GLB1: variants seen among roughly 807,000 people sequenced by gnomAD.
The protein encoded by GLB1 is galactosidase beta 1.
A neutral mutation model predicts 74.0 loss-of-function variants in GLB1; 56 were observed. That is an observed-to-expected ratio of 0.76 (90% confidence interval 0.61 to 0.94). GLB1 has a LOEUF of 0.94. Ranked by LOEUF, GLB1 falls within the 40% of genes least tolerant of loss-of-function variation. The pLI is 0.00. For synonymous variants in GLB1, 323 were observed against 323.6 expected, an observed-to-expected ratio of 1.00 and a Z score of 0.02; for missense variants, 787 against 845.5, an observed-to-expected ratio of 0.93 and a Z score of 0.86.
chr3:33,045,470 C>G, intron 10 of GLB1: 1 of 987,050 alleles, frequency 1.0e-6, no homozygotes. Context: ...ATCACATAGT[C>G]TGTATATTGG....
At chr3:33,026,123 TACCA>T in intron 10 of GLB1, among the ~76,000 whole-genome samples, 1 of 152,026 alleles carries the variant, frequency 6.6e-6, no homozygotes, top group East Asian at 1.9e-4. Flanking sequence ...TGGCTGCAGC[TACCA>T]AGCTGCAGCT....
At chr3:32,968,111 A>G in the GLB1 span, among the ~76,000 whole-genome samples, 1 of 152,176 alleles carries the variant, frequency 6.6e-6, no homozygotes, top group African/African-American at 2.4e-5. Flanking sequence ...GGAGGCAAAG[A>G]AGGAGGCTGA....
the GLB1 span, among the ~76,000 whole-genome samples, chr3:32,971,873 G>C: frequency 1.3e-5 from 2 of 152,130 alleles, no homozygotes; most frequent in African/African-American, 4.8e-5. Context: ...TGTGGAACAC[G>C]GGCATATCGG....
chr3:33,058,299 G>A (rs746059803), intron 5 of GLB1, 30 bp from the exon 6 acceptor site: 1 of 1,613,646 alleles, frequency 6.2e-7, no homozygotes, highest in Non-Finnish European at 8.5e-7. Flanking sequence ...AGGGAAAAAT[G>A]AGGAGATCCT....
At chr3:33,042,935 T>A (rs1261306322) in intron 10 of GLB1, among the ~76,000 whole-genome samples, 4 of 152,200 alleles carry the variant, frequency 2.6e-5, no homozygotes, top group Non-Finnish European at 4.4e-5. Flanking sequence ...GTTAAATCAT[T>A]TGCCAATAAA....
chr3:33,070,920 G>A (rs1051129384), intron 2 of GLB1, among the ~76,000 whole-genome samples: 4 of 152,124 alleles, frequency 2.6e-5, no homozygotes, highest in African/African-American at 9.7e-5. Context: ...AGAATATTTT[G>A]CTGAAAAGTA....
At chr3:32,961,292 T>C in the GLB1 span, among the ~76,000 whole-genome samples, 1 of 152,340 alleles carries the variant, frequency 6.6e-6, no homozygotes, top group Admixed American at 6.5e-5. Flanking sequence ...ACCTGGATGG[T>C]CTGCCCAAAG....
chr3:32,982,332 A>AAC, the GLB1 span, among the ~76,000 whole-genome samples: 1 of 149,672 alleles, frequency 6.7e-6, no homozygotes, highest in East Asian at 1.9e-4. Context: ...AAAAAAAAAA[A>AAC]ACTTATTTCA....
At chr3:32,977,531 C>T in the GLB1 span, among the ~76,000 whole-genome samples, 1 of 151,948 alleles carries the variant, frequency 6.6e-6, no homozygotes, top group Non-Finnish European at 1.5e-5. Context: ...ATTTTTAAAG[C>T]GAAGGGGCAC....
intron 10 of GLB1, chr3:33,038,133 A>T: frequency 6.6e-6 from 1 of 152,094 alleles, no homozygotes; most frequent in Admixed American, 6.6e-5. Context: ...TATTTGGAGA[A>T]ACTCTGGAGT....
At chr3:32,986,220 G>C in the GLB1 span, among the ~76,000 whole-genome samples, 1 of 152,224 alleles carries the variant, frequency 6.6e-6, no homozygotes, top group Admixed American at 6.5e-5. Context: ...TGTAGCAGAT[G>C]CTGCTGATGC....
chr3:32,997,460 A>C lies in GLB1; in HGVS notation c.1735-116T>G. The C allele has an allele frequency of 4.6e-6, 7 of 1,509,110 alleles. No homozygotes were observed. The South Asian group carries it at 8.4e-5, about 18-fold the overall frequency. 93.5% of individuals were successfully genotyped at this position (1,509,110 alleles called of 1,614,324 possible). ...AATGGAGGAAAGAAATGCCCCCAGA[A>C]AGGCGAGGCTGACAGCCAGGCCCAT... On this transcript the variant is annotated intron_variant, in intron 15 of 15. Coordinates refer to ENST00000307363, the MANE Select transcript of GLB1 (RefSeq NM_000404.4).
chr3:33,054,019 A>T (rs1559402590), intron 6 of GLB1, among the ~76,000 whole-genome samples: 1 of 148,694 alleles, frequency 6.7e-6, no homozygotes, highest in Non-Finnish European at 1.5e-5. Flanking sequence ...TCTCAAAAAT[A>T]TTTTTTTTAT....
In GLB1 at chr3:33,067,669, G is replaced by A. The variant is rs964304326; in HGVS notation, c.457+561C>T. The stretch of plus-strand genomic sequence containing the variant: ...AAGCACTGAAGTCAGTTGGTCAACC[G>A]CAAACAGGGTTCAATACCAATTCAA... On this transcript the variant is annotated intron_variant, in intron 4 of 15. Coordinates refer to ENST00000307363, the MANE Select transcript of GLB1 (RefSeq NM_000404.4). 9.2e-5 allele frequency among the ~76,000 whole-genome samples: 14 copies of A among 152,140 alleles called. 1 individual carries two copies. The highest frequency in any genetic ancestry group is 5.2e-4 in the Admixed American group (8 of 15,266).
chr3:32,976,527 C>T, the GLB1 span, among the ~76,000 whole-genome samples: 3 of 152,216 alleles, frequency 2.0e-5, no homozygotes, highest in African/African-American at 4.8e-5. Context: ...GCCTTATTTT[C>T]TCACATCCCA....
At chr3:33,053,938 G>A (rs1230097986) in intron 6 of GLB1, among the ~76,000 whole-genome samples, 2 of 152,062 alleles carry the variant, frequency 1.3e-5, no homozygotes, top group Non-Finnish European at 2.9e-5. Context: ...GCTTGAACCC[G>A]GGAGGTGGAG....
intron 15 of GLB1, among the ~76,000 whole-genome samples, chr3:33,001,289 C>A (rs542427029): frequency 6.6e-6 from 1 of 151,622 alleles, no homozygotes; most frequent in East Asian, 1.9e-4. Flanking sequence ...TATTCACAGG[C>A]ACAATACAGC....
At chr3:33,066,567 G>A (rs753399297) in intron 4 of GLB1, among the ~76,000 whole-genome samples, 27 of 152,216 alleles carry the variant, frequency 1.8e-4, no homozygotes, top group Non-Finnish European at 3.5e-4. Context: ...TCAGTTTCAG[G>A]TATTCTGTTA....
At position 33,053,630 on chromosome 3, in the gene GLB1, G is replaced by A. The variant is rs561895214; in HGVS notation, c.734-81C>T. 97 of 1,577,724 alleles carry A rather than the reference G, an allele frequency of 6.1e-5. No individual in the cohort carries two copies. In the African/African-American group the frequency reaches 9.4e-4, roughly 15 times the overall value. On this transcript the variant is annotated intron_variant, in intron 6 of 15. Coordinates refer to ENST00000307363, the MANE Select transcript of GLB1 (RefSeq NM_000404.4). ...ATAACAAGAGCCCTTCATGGGACTC[G>A]GGCCTGAAGCCCTGCTACGGTCAGA...
Sources: gnomAD v4.1 joint callset for allele counts (sites outside exome capture counted in the v4.1 genomes callset) on GRCh38, gnomAD v4.1.1 for gene constraint, MANE v1.5 for transcripts, NCBI Gene and HGNC (gene_info 2026-07-23, HGNC 2026-07-21) for gene names.